The following FBXL17 variants were observed in gnomAD, a reference collection of about 807,000 sequenced individuals.
FBXL17 encodes the protein F-box and leucine rich repeat protein 17, also known as F-box/LRR-repeat protein 17.
FBXL17 carries 22 observed loss-of-function variants against 66.2 expected under a neutral mutation model. The observed-to-expected ratio is 0.33, with a 90% CI of 0.24 to 0.47. FBXL17 has a LOEUF of 0.47. Ranked by LOEUF, FBXL17 falls within the 20% of genes least tolerant of loss-of-function variation. The probability of loss-of-function intolerance (pLI) is 1.00; values close to 1 mark genes in which losing one functional copy is unlikely to be tolerated. For synonymous variants in FBXL17, 474 were observed against 400.5 expected (o/e 1.18, Z -2.19); for missense variants, 878 against 948.2 (o/e 0.93, Z 0.97).
At chr5:107,907,002 G>C (rs1177306606) in intron 7 of FBXL17, among the ~76,000 whole-genome samples, 1 of 152,156 alleles carries the variant, frequency 6.6e-6, no homozygotes, top group African/African-American at 2.4e-5. Flanking sequence ...GTCAGAGTTA[G>C]AAATACAGTC....
intron 4 of FBXL17, among the ~76,000 whole-genome samples, chr5:108,293,374 T>C (rs938440180): frequency 6.6e-5 from 10 of 152,316 alleles, no homozygotes; most frequent in Non-Finnish European, 1.2e-4. Flanking sequence ...AAACTGTGAA[T>C]TCCATTAAGT....
chr5:108,368,005 C>G, intron 1 of FBXL17, 52 bp from the exon 2 acceptor site: 2 of 1,486,956 alleles, frequency 1.3e-6, no homozygotes, highest in South Asian at 2.7e-5. Context: ...TTTCAAGGCA[C>G]AGGAAAAGGT....
At chr5:108,145,385 T>C (rs756698764) in intron 6 of FBXL17, among the ~76,000 whole-genome samples, 1 of 152,192 alleles carries the variant, frequency 6.6e-6, no homozygotes, top group South Asian at 2.1e-4. Context: ...CTCTCAGAAC[T>C]GCTAGAATCA....
chr5:108,325,002 T>A (rs1311626999), intron 4 of FBXL17, among the ~76,000 whole-genome samples: 2 of 151,932 alleles, frequency 1.3e-5, no homozygotes, highest in African/African-American at 4.8e-5. Context: ...GGAGTCAAAG[T>A]CACAAAGACA....
intron 4 of FBXL17, among the ~76,000 whole-genome samples, chr5:108,241,967 C>T (rs1294841351): frequency 2.0e-5 from 3 of 152,022 alleles, no homozygotes; most frequent in African/African-American, 7.2e-5. Context: ...CCCAGACCGA[C>T]AAAAGCTGAG....
intron 4 of FBXL17, among the ~76,000 whole-genome samples, chr5:108,335,357 CGT>C (rs1491265290): frequency 6.9e-6 from 1 of 145,570 alleles, no homozygotes; most frequent in African/African-American, 2.5e-5. Context: ...AAAAAAAATA[CGT>C]TTTTTTTTTA....
intron 3 of FBXL17, among the ~76,000 whole-genome samples, chr5:108,357,401 T>A (rs568273036): frequency 6.6e-6 from 1 of 152,152 alleles, no homozygotes; most frequent in South Asian, 2.1e-4. Flanking sequence ...GACCTTAATA[T>A]CCTTCTATCT....
chr5:108,009,261 TTATATATATATA>T (rs375853217), intron 7 of FBXL17, among the ~76,000 whole-genome samples: 3 of 20,868 alleles, frequency 1.4e-4, no homozygotes, highest in Non-Finnish European at 1.7e-4. Context: ...GTTCCCTGTT[TTATATATATATA>T]TATATATATA....
chr5:108,353,994 T>C lies in FBXL17; in HGVS notation c.1375-5464A>G, dbSNP rs147925155. On this transcript the variant is annotated intron_variant, in intron 3 of 8. Transcript: ENST00000542267. The stretch of plus-strand genomic sequence containing the variant: ...GATTTTTTTCAGATTTTTGAATATT[T>C]GCATTACATTTATCAGTTGAGCATG... Among the ~76,000 whole-genome samples, 3 of 152,342 alleles carry C rather than the reference T, an allele frequency of 2.0e-5. No individual in the cohort carries two copies. In the East Asian group the frequency reaches 5.8e-4, roughly 29 times the overall value.
At position 108,285,634 on chromosome 5, in the gene FBXL17, C is replaced by T. The variant is rs187962889; in HGVS notation, c.1507-61406G>A. Among the ~76,000 whole-genome samples the T allele has an allele frequency of 3.3e-5, 5 of 151,804 alleles. No individual in the cohort carries two copies. In the East Asian group the frequency reaches 7.7e-4, roughly 23 times the overall value. Reference sequence around the variant, plus strand: ...CTTTCTGAGCAATAGGTCTCAAAAGCGGGCTTACAATATTCAGCAAACCAT... The same window carrying T: ...CTTTCTGAGCAATAGGTCTCAAAAGTGGGCTTACAATATTCAGCAAACCAT... On this transcript the variant is annotated intron_variant, in intron 4 of 8. Transcript: ENST00000542267.
Position 108,286,997 on chromosome 5 carries a change from T to C in FBXL17, c.1506+61402A>G, listed in dbSNP as rs1757924908. Among the ~76,000 whole-genome samples, 4 of 152,036 alleles carry C rather than the reference T, an allele frequency of 2.6e-5. No homozygotes were observed. The South Asian group carries it at 6.2e-4, about 24-fold the overall frequency. ...GACACACACCTACAACAATCTAATC[T>C]TCAACAAAGTCAACAAAAACAAGCA... On this transcript the variant is annotated intron_variant, in intron 4 of 8. Transcript: ENST00000542267.
At chr5:107,868,373 G>A (rs1748344290) in intron 8 of FBXL17, among the ~76,000 whole-genome samples, 1 of 152,180 alleles carries the variant, frequency 6.6e-6, no homozygotes, top group Admixed American at 6.5e-5. Flanking sequence ...TTTCAAAATG[G>A]GTGCTCTAAA....
chr5:108,198,475 G>T (rs1753766997), intron 5 of FBXL17, among the ~76,000 whole-genome samples: 1 of 152,104 alleles, frequency 6.6e-6, no homozygotes, highest in Non-Finnish European at 1.5e-5. Context: ...CTTCAGCATT[G>T]TACTTGATTT....
At chr5:107,993,095 C>G (rs1753323855) in intron 7 of FBXL17, among the ~76,000 whole-genome samples, 1 of 152,084 alleles carries the variant, frequency 6.6e-6, no homozygotes, top group Non-Finnish European at 1.5e-5. Flanking sequence ...CGGGGTTTCA[C>G]CATGTTAGCC....
At chr5:107,920,265 C>T (rs946969251) in intron 7 of FBXL17, among the ~76,000 whole-genome samples, 19 of 152,202 alleles carry the variant, frequency 1.2e-4, no homozygotes, top group African/African-American at 4.3e-4. Flanking sequence ...AGTGCAACGG[C>T]GCGACCTTGG....
chr5:108,305,597 A>G (rs1288418143), intron 4 of FBXL17, among the ~76,000 whole-genome samples: 1 of 152,026 alleles, frequency 6.6e-6, no homozygotes, highest in Non-Finnish European at 1.5e-5. Flanking sequence ...AAACTCACTG[A>G]AGGGCTTTAA....
chr5:107,971,111 A>C (rs188673495), intron 7 of FBXL17, among the ~76,000 whole-genome samples: 44 of 152,330 alleles, frequency 2.9e-4, no homozygotes, highest in African/African-American at 1.0e-3. Flanking sequence ...GAACAATTTG[A>C]GCATAATGCA....
intron 7 of FBXL17, among the ~76,000 whole-genome samples, chr5:107,993,372 G>C (rs1274619616): frequency 6.6e-6 from 1 of 152,116 alleles, no homozygotes; most frequent in African/African-American, 2.4e-5. Flanking sequence ...TAATTTGTGA[G>C]TCTATTAAAC....
In FBXL17 at chr5:108,149,093, A is replaced by T. The variant is rs145458414; in HGVS notation, c.1745+37024T>A. Among the ~76,000 whole-genome samples, 640 of 152,248 alleles carry T rather than the reference A, an allele frequency of 4.2e-3. 3 individuals are homozygous for T. The highest frequency in any genetic ancestry group is 0.015 in the African/African-American group (611 of 41,564). ...ACAGGTTCTAATTATATGACTCCAAAGCCTGTTCTCTTTCCACCACTGTTT... is the reference window on the plus strand; with the variant it reads ...ACAGGTTCTAATTATATGACTCCAATGCCTGTTCTCTTTCCACCACTGTTT... On this transcript the variant is annotated intron_variant, in intron 6 of 8. Coordinates refer to ENST00000542267, the MANE Select transcript of FBXL17 (RefSeq NM_001163315.3).
Sources: allele counts gnomAD v4.1 joint callset (sites outside exome capture counted in the v4.1 genomes callset), GRCh38; gene constraint gnomAD v4.1.1; transcripts MANE v1.5; gene names NCBI Gene and HGNC (gene_info 2026-07-23, HGNC 2026-07-21).